KIAA1671: variants seen among roughly 807,000 people sequenced by gnomAD.
KIAA1671 encodes KIAA1671.
Under a neutral mutation model 131.2 loss-of-function variants are expected in KIAA1671, and 52 were observed. The observed-to-expected ratio is 0.40, with a 90% CI of 0.32 to 0.50. The LOEUF (loss-of-function observed/expected upper bound fraction) is 0.50. KIAA1671 is among the 20% of genes least tolerant of loss of function. The probability of loss-of-function intolerance (pLI) is 0.73; values close to 1 mark genes in which losing one functional copy is unlikely to be tolerated. For missense variants in KIAA1671, 2,360 were observed against 2,364.2 expected (o/e 1.00, Z 0.04); for synonymous variants, 1,003 against 961.6 (o/e 1.04, Z -0.80).
rs1930249676 is a variant in KIAA1671 at position 25,093,834 on chromosome 22, GTCTGTCTCTCTC to G, written c.4530+44474_4530+44485del. On this transcript the variant is annotated intron_variant, in intron 6 of 12. Transcript: ENST00000358431. ...TCTGTCTCTCTCTCTTTCTCTCTCT[GTCTGTCTCTCTC>G]TCTCTCTCTCTCTCTCTCTCTCTCT... 2.3e-3 allele frequency among the ~76,000 whole-genome samples: 39 copies of G among 16,950 alleles called. 3 individuals are homozygous for G. The highest frequency in any genetic ancestry group is 3.4e-3 in the Admixed American group (6 of 1,768). The allele number at this position is 16,950 out of a possible 152,430, so 11.1% of individuals were successfully genotyped here. A position where few individuals can be genotyped will look rare whatever the true frequency, so the allele number is the denominator to read the frequency against.
chr22:25,045,840 C>T (rs1270368044), intron 5 of KIAA1671, among the ~76,000 whole-genome samples: 1 of 152,150 alleles, frequency 6.6e-6, no homozygotes, highest in African/African-American at 2.4e-5. Context: ...GTCTACCTGT[C>T]TTGGCCTCCC....
chr22:25,153,100 T>A (rs556807741), intron 6 of KIAA1671, among the ~76,000 whole-genome samples: 1 of 152,372 alleles, frequency 6.6e-6, no homozygotes, highest in East Asian at 1.9e-4. Flanking sequence ...GTAACTGTAC[T>A]ACCACATAGT....
chr22:25,190,638 G>T, intron 11 of KIAA1671, 64 bp from the exon 12 acceptor site: 1 of 1,389,634 alleles, frequency 7.2e-7, no homozygotes, highest in Non-Finnish European at 1.0e-6. Flanking sequence ...ATACCACTCA[G>T]TCCTGCCCGC....
chr22:25,001,050 G>A (rs1239511582), intron 1 of KIAA1671, among the ~76,000 whole-genome samples: 1 of 151,174 alleles, frequency 6.6e-6, no homozygotes, highest in Non-Finnish European at 1.5e-5. Flanking sequence ...GTAACCATTC[G>A]AGTCTTTTGT....
At chr22:25,192,211 G>A (rs1934691221) in intron 12 of KIAA1671, among the ~76,000 whole-genome samples, 195 bp from the exon 13 acceptor site, 1 of 151,984 alleles carries the variant, frequency 6.6e-6, no homozygotes, top group Non-Finnish European at 1.5e-5. Flanking sequence ...TTTCATGTTG[G>A]TTTCACTGTA....
At chr22:25,138,813 C>G (rs1932761655) in intron 6 of KIAA1671, among the ~76,000 whole-genome samples, 1 of 152,142 alleles carries the variant, frequency 6.6e-6, no homozygotes, top group Non-Finnish European at 1.5e-5. Context: ...CAAAGTGTTG[C>G]TGAGTAGCTC....
At chr22:25,113,679 A>T (rs907512358) in intron 6 of KIAA1671, among the ~76,000 whole-genome samples, 10 of 152,202 alleles carry the variant, frequency 6.6e-5, no homozygotes, top group Admixed American at 6.5e-5. Flanking sequence ...GGAGCCGAGC[A>T]CTTGGGCATG....
Position 25,028,546 on chromosome 22 carries a change from G to A in KIAA1671, c.547G>A (p.Ala183Thr). 8 of 801,916 alleles carry A rather than the reference G, an allele frequency of 1.0e-5. No individual in the cohort carries two copies. In the East Asian group the frequency reaches 2.1e-4, roughly 21 times the overall value. 49.7% of individuals were successfully genotyped at this position (801,916 alleles called of 1,614,324 possible). A position where few individuals can be genotyped will look rare whatever the true frequency, so the allele number is the denominator to read the frequency against. Reference sequence around the variant, plus strand: ...CCGGCCTGAGGTGGCTGCCAAGCCCGCCCTGCCCACCCAGAAGCCTGCGGG... The same window carrying A: ...CCGGCCTGAGGTGGCTGCCAAGCCCACCCTGCCCACCCAGAAGCCTGCGGG... Reference protein sequence around the residue: ...GSRPEVAAKPALPTQKPAGTL... With the variant: ...GSRPEVAAKPTLPTQKPAGTL... Residue 183 changes from alanine (A) to threonine (T), a missense_variant, in exon 3 of 13, where the codon GCC becomes ACC. By Grantham distance (58) the Ala-to-Thr change is moderately conservative. Transcript: ENST00000358431.
chr22:24,999,620 T>C (rs538919436), intron 1 of KIAA1671, among the ~76,000 whole-genome samples: 8 of 151,552 alleles, frequency 5.3e-5, no homozygotes, highest in African/African-American at 1.7e-4. Flanking sequence ...TGGAGTGCAG[T>C]GGTGCGATCT....
chr22:25,058,725 C>A (rs556818178), intron 6 of KIAA1671: 1 of 152,136 alleles, frequency 6.6e-6, no homozygotes, highest in African/African-American at 2.4e-5. Flanking sequence ...TCATGGATTC[C>A]GCAGGTCAAG....
chr22:25,020,569 T>G lies in KIAA1671; in HGVS notation c.-207-5064T>G, dbSNP rs1011342220. Reference sequence around the variant, plus strand: ...TTCTTGCTAGGAGCTCACAGTCTAGTGGAGGAAACAGAGGTAGTCACCAGG... The same window carrying G: ...TTCTTGCTAGGAGCTCACAGTCTAGGGGAGGAAACAGAGGTAGTCACCAGG... On this transcript the variant is annotated intron_variant, in intron 1 of 12. Transcript: ENST00000358431. Among the ~76,000 whole-genome samples, 15 of 152,100 alleles carry G rather than the reference T, an allele frequency of 9.9e-5. 1 individual carries two copies. Among genetic ancestry groups the G allele is most frequent in the African/African-American group, 3.4e-4 (14 of 41,386 alleles).
chr22:25,179,577 T>G, intron 9 of KIAA1671: 1 of 1,461,814 alleles, frequency 6.8e-7, no homozygotes, highest in Non-Finnish European at 9.3e-7. Flanking sequence ...ACGGAGCCGC[T>G]TCCCCTGCCC....
chr22:24,984,912 CAAAAAAAAAAA>C (rs60969204), intron 1 of KIAA1671, among the ~76,000 whole-genome samples: 4 of 54,456 alleles, frequency 7.3e-5, no homozygotes, highest in African/African-American at 2.7e-4. Flanking sequence ...GACTACGTCT[CAAAAAAAAAAA>C]AAAAAAAAAA....
At chr22:25,080,948 C>T (rs1272182540) in intron 6 of KIAA1671, among the ~76,000 whole-genome samples, 1 of 152,112 alleles carries the variant, frequency 6.6e-6, no homozygotes, top group South Asian at 2.1e-4. Context: ...TGAAGTGGAC[C>T]CCACTCTCAG....
intron 9 of KIAA1671, among the ~76,000 whole-genome samples, chr22:25,180,698 G>T (rs941414421): frequency 6.6e-6 from 1 of 152,200 alleles, no homozygotes; most frequent in Non-Finnish European, 1.5e-5. Context: ...GTCAGACCAG[G>T]CTCTGAGCTG....
intron 6 of KIAA1671, among the ~76,000 whole-genome samples, chr22:25,147,769 A>G (rs1932911446): frequency 6.6e-6 from 1 of 152,142 alleles, no homozygotes; most frequent in South Asian, 2.1e-4. Flanking sequence ...CTGTTCTGTG[A>G]AAGAGGGGAA....
At chr22:24,994,819 G>A (rs1032387621) in intron 1 of KIAA1671, among the ~76,000 whole-genome samples, 49 of 152,036 alleles carry the variant, frequency 3.2e-4, no homozygotes, top group African/African-American at 1.0e-3. Flanking sequence ...CTGTATCATC[G>A]TCAGAGCTGT....
At chr22:25,161,947 G>A (rs1219185019) in intron 6 of KIAA1671, among the ~76,000 whole-genome samples, 1 of 152,090 alleles carries the variant, frequency 6.6e-6, no homozygotes, top group Non-Finnish European at 1.5e-5. Context: ...AAAGCTCTCA[G>A]TGTCAAGCCA....
chr22:25,018,519 T>G (rs1342441475), intron 1 of KIAA1671, among the ~76,000 whole-genome samples: 1 of 152,188 alleles, frequency 6.6e-6, no homozygotes, highest in Non-Finnish European at 1.5e-5. Flanking sequence ...CTAGAACTTT[T>G]TCATCTTCTC....
Sources: gnomAD v4.1 joint callset for allele counts (sites outside exome capture counted in the v4.1 genomes callset) on GRCh38, gnomAD v4.1.1 for gene constraint, MANE v1.5 for transcripts, NCBI Gene and HGNC (gene_info 2026-07-23, HGNC 2026-07-21) for gene names.